Variants in FBXO25 observed in about 807,000 individuals in gnomAD.
FBXO25 encodes the protein F-box only protein 25.
In FBXO25, 45 loss-of-function variants were observed where a neutral mutation model predicts 51.9. The observed-to-expected ratio is 0.87, with a 90% CI of 0.68 to 1.11. The LOEUF (loss-of-function observed/expected upper bound fraction) is 1.11, where lower values mean the gene tolerates loss of function less well. Ranked by LOEUF, FBXO25 falls within the 50% of genes most tolerant of loss-of-function variation. The pLI is 0.00. For synonymous variants in FBXO25, 199 were observed against 151.0 expected (o/e 1.32, Z -2.33); for missense variants, 507 against 428.5 (o/e 1.18, Z -1.62).
In FBXO25 at chr8:477,664, A is replaced by G. The variant is rs758057069; in HGVS notation, c.*8860A>G. 6.6e-6 allele frequency: 1 copy of G among 150,718 alleles called. No individual in the cohort carries two copies. The highest frequency in any genetic ancestry group is 1.5e-5 in the Non-Finnish European group (1 of 68,052). The allele number at this position is 150,718 out of a possible 1,614,324, so 9.3% of individuals were successfully genotyped here. A position where few individuals can be genotyped will look rare whatever the true frequency, so the allele number is the denominator to read the frequency against. On this transcript the variant is annotated 3_prime_UTR_variant, in exon 10 of 10. Transcript: ENST00000350302. ...GTAAAGATTGTTGGCTTTTCCAGCC[A>G]TGGGGCTCTCTTGCCACTTGGCAGT...
intron 5 of FBXO25, among the ~76,000 whole-genome samples, chr8:445,609 T>G (rs1798689225): frequency 6.6e-6 from 1 of 152,240 alleles, no homozygotes; most frequent in Admixed American, 6.5e-5. Flanking sequence ...TCCCAGCACT[T>G]TGGGAGGCCG....
chr8:460,790 A>G (rs1799758645), intron 8 of FBXO25, among the ~76,000 whole-genome samples: 1 of 152,238 alleles, frequency 6.6e-6, no homozygotes, highest in Non-Finnish European at 1.5e-5. Flanking sequence ...AGGACAGAGA[A>G]ATTAATATTA....
At chr8:467,955 A>T (rs921647367) in intron 9 of FBXO25, 79 of 1,408,408 alleles carry the variant, frequency 5.6e-5, no homozygotes, top group Non-Finnish European at 7.0e-5. Flanking sequence ...TTGCAGAACA[A>T]CACCTGAGTG....
chr8:421,440 C>T (rs1242147435), intron 2 of FBXO25, among the ~76,000 whole-genome samples: 1 of 152,192 alleles, frequency 6.6e-6, no homozygotes, highest in Non-Finnish European at 1.5e-5. Flanking sequence ...AGGCTAAAGA[C>T]AAAACCTGTG....
intron 2 of FBXO25, among the ~76,000 whole-genome samples, chr8:429,931 C>A (rs1323315584): frequency 6.6e-6 from 1 of 152,244 alleles, no homozygotes; most frequent in Non-Finnish European, 1.5e-5. Flanking sequence ...TTACTGCAAG[C>A]ATCTGAACCT....
chr8:433,075 A>C (rs1193488942), intron 4 of FBXO25, 140 bp downstream of exon 4: 1 of 1,182,502 alleles, frequency 8.5e-7, no homozygotes, highest in African/African-American at 1.6e-5. Context: ...ATTCTGACAG[A>C]TAATAGCATA....
chr8:460,306 C>T (rs1000933618), intron 8 of FBXO25, among the ~76,000 whole-genome samples: 30 of 152,284 alleles, frequency 2.0e-4, no homozygotes, highest in Admixed American at 1.4e-3. Flanking sequence ...AATGTCTGTT[C>T]TGCACCCACA....
At chr8:447,632 A>C (rs1798823526) in intron 5 of FBXO25, among the ~76,000 whole-genome samples, 1 of 152,250 alleles carries the variant, frequency 6.6e-6, no homozygotes, top group Non-Finnish European at 1.5e-5. Context: ...AGATTTTGTA[A>C]TATTTACATA....
At chr8:440,284 G>A (rs1585053077) in intron 5 of FBXO25, among the ~76,000 whole-genome samples, 1 of 152,242 alleles carries the variant, frequency 6.6e-6, no homozygotes, top group South Asian at 2.1e-4. Flanking sequence ...ATCATAGGAA[G>A]CTCTTGGAAC....
rs745757008 is a variant in FBXO25, at chr8:435,725, A to G, written c.381+18A>G. On this transcript the variant is annotated intron_variant, in intron 5 of 9. Transcript: ENST00000350302. ...TGGTCAAAGTAAGTGTTCTATTTCA[A>G]AAACTACTTTGATGACTCTTTTGAA... 2 of 1,563,196 alleles carry G rather than the reference A, an allele frequency of 1.3e-6. No homozygotes were observed. The highest frequency in any genetic ancestry group is 8.6e-7 in the Non-Finnish European group (1 of 1,157,822).
chr8:407,906 C>CT (rs1563055783), intron 1 of FBXO25, among the ~76,000 whole-genome samples: 1 of 152,166 alleles, frequency 6.6e-6, no homozygotes, highest in African/African-American at 2.4e-5. Context: ...GTCCTTGGGC[C>CT]TATTCAAACT....
intron 2 of FBXO25, among the ~76,000 whole-genome samples, chr8:428,062 T>C (rs1447354410): frequency 1.3e-5 from 2 of 152,154 alleles, no homozygotes; most frequent in Non-Finnish European, 2.9e-5. Context: ...TTTATAGAAA[T>C]TGGGGTTTAA....
At position 470,271 on chromosome 8, in the gene FBXO25, A is replaced by G. The variant is rs1291289287; in HGVS notation, c.*1467A>G. 1 of 152,266 alleles carries G rather than the reference A, an allele frequency of 6.6e-6. No homozygotes were observed. The highest frequency in any genetic ancestry group is 1.9e-4 in the East Asian group (1 of 5,182). 9.4% of individuals were successfully genotyped at this position (152,266 alleles called of 1,614,324 possible). A position where few individuals can be genotyped will look rare whatever the true frequency, so the allele number is the denominator to read the frequency against. On this transcript the variant is annotated 3_prime_UTR_variant, in exon 10 of 10. Transcript: ENST00000350302. ...ACAACAATGTGGCCGTCTCCTTACA[A>G]CCACTGGTAGTACAGCCAACATCAT...
chr8:451,703 A>T (rs1431831239), intron 7 of FBXO25, among the ~76,000 whole-genome samples: 1 of 152,232 alleles, frequency 6.6e-6, no homozygotes, highest in East Asian at 1.9e-4. Flanking sequence ...ATGTAAATAA[A>T]TTTACCTTCA....
chr8:438,487 T>A (rs1225406698), intron 5 of FBXO25, among the ~76,000 whole-genome samples: 1 of 152,240 alleles, frequency 6.6e-6, no homozygotes, highest in Admixed American at 6.5e-5. Flanking sequence ...AGTGTTCAAT[T>A]ACAGATTCTT....
In FBXO25 at chr8:458,466, G is replaced by A. The variant is rs1476077537; in HGVS notation, c.758G>A (p.Gly253Asp). The stretch of plus-strand genomic sequence containing the variant: ...GACGGATGGGACATCATCACCTTAG[G>A]CCAGGTGACCCCCACGTTGTATATG... ...FSDGWDIITL[G>D]QVTPTLYMLS... is the part of the protein sequence containing the mutation. The change falls in exon 8 of 10, where the codon GGC becomes GAC. Residue 253 changes from glycine to aspartate, a missense_variant. Physicochemically the swap from Gly to Asp is moderately conservative, Grantham distance 94. Coordinates refer to ENST00000350302, the MANE Select transcript of FBXO25 (RefSeq NM_183420.2). The A allele has an allele frequency of 6.2e-7, 1 of 1,614,076 alleles. No homozygotes were observed. Among genetic ancestry groups the A allele is most frequent in the East Asian group, 2.2e-5 (1 of 44,866 alleles).
chr8:460,173 A>G (rs1416346173), intron 8 of FBXO25, among the ~76,000 whole-genome samples: 2 of 152,238 alleles, frequency 1.3e-5, no homozygotes, highest in African/African-American at 2.4e-5. Context: ...GCTGTTCCCA[A>G]AAGGCGTTAA....
chr8:447,840 T>C (rs58942015), intron 5 of FBXO25, among the ~76,000 whole-genome samples: 4,886 of 152,248 alleles, frequency 0.032, 256 homozygotes, highest in African/African-American at 0.11. Flanking sequence ...TTCCAGAGTT[T>C]GGAGGATTCT....
chr8:448,201 T>G (rs539006190), intron 5 of FBXO25, among the ~76,000 whole-genome samples: 28 of 152,204 alleles, frequency 1.8e-4, no homozygotes, highest in African/African-American at 6.3e-4. Flanking sequence ...TTAAAGATAA[T>G]GTTCAGGAAA....
Sources: allele counts gnomAD v4.1 joint callset (sites outside exome capture counted in the v4.1 genomes callset), GRCh38; gene constraint gnomAD v4.1.1; transcripts MANE v1.5; gene names NCBI Gene and HGNC (gene_info 2026-07-23, HGNC 2026-07-21).